SCOC: variants seen among roughly 807,000 people sequenced by gnomAD.
SCOC encodes short coiled coil protein.
SCOC carries 7 observed loss-of-function variants against 9.9 expected under a neutral mutation model. The ratio of observed to expected loss-of-function variants is 0.71; its 90% CI spans 0.40 to 1.33. The LOEUF is 1.33. Among genes scored for constraint, SCOC ranks in the 40% most tolerant of loss-of-function variants. The pLI, the probability that SCOC is intolerant of heterozygous loss-of-function variation, is 0.01. For missense variants in SCOC, 66 were observed against 89.7 expected, an observed-to-expected ratio of 0.74 and a Z score of 1.07; for synonymous variants, 19 against 28.2, an observed-to-expected ratio of 0.67 and a Z score of 1.03.
chr4:140,258,707 C>T (rs549451223), intron 1 of SCOC, among the ~76,000 whole-genome samples: 58 of 152,368 alleles, frequency 3.8e-4, no homozygotes, highest in African/African-American at 1.3e-3. Context: ...TTTCTCTTCT[C>T]TTTCTGAGTT....
chr4:140,276,641 G>A (rs1730990444), intron 1 of SCOC, among the ~76,000 whole-genome samples: 2 of 151,702 alleles, frequency 1.3e-5, no homozygotes, highest in South Asian at 2.1e-4. Context: ...ATTTTTAGTA[G>A]AGACTGGGTT....
intron 1 of SCOC, among the ~76,000 whole-genome samples, chr4:140,335,639 C>T (rs1219585831): frequency 6.6e-6 from 1 of 152,138 alleles, no homozygotes; most frequent in East Asian, 1.9e-4. Context: ...TGATTGCATA[C>T]ACTCCAGATG....
intron 1 of SCOC, among the ~76,000 whole-genome samples, chr4:140,277,855 G>A (rs1163916855): frequency 1.3e-5 from 2 of 152,204 alleles, no homozygotes; most frequent in Non-Finnish European, 2.9e-5. Flanking sequence ...TAGGATTAGA[G>A]ATTTGTTGGC....
At chr4:140,323,119 G>T (rs954878680) in intron 1 of SCOC, among the ~76,000 whole-genome samples, 2 of 152,154 alleles carry the variant, frequency 1.3e-5, no homozygotes, top group African/African-American at 4.8e-5. Flanking sequence ...AGTGTTGAAG[G>T]TGGGGCTTGG....
chr4:140,262,542 C>G (rs375885377), intron 1 of SCOC, among the ~76,000 whole-genome samples: 2 of 152,124 alleles, frequency 1.3e-5, no homozygotes, highest in African/African-American at 4.8e-5. Context: ...TCTCCTGTTT[C>G]TGCTATAGAG....
intron 1 of SCOC, among the ~76,000 whole-genome samples, chr4:140,327,466 A>G (rs115388567): frequency 0.033 from 4,987 of 152,244 alleles, 114 homozygotes; most frequent in Non-Finnish European, 0.052. Context: ...TTAGTGGACA[A>G]TTCAACAAGC....
intron 2 of SCOC, among the ~76,000 whole-genome samples, chr4:140,353,410 T>A (rs1727063844): frequency 6.6e-6 from 1 of 151,552 alleles, no homozygotes; most frequent in Admixed American, 6.6e-5. Flanking sequence ...TTTTTTTCTT[T>A]TTCTTTTTTT....
upstream of SCOC, among the ~76,000 whole-genome samples, chr4:140,343,005 C>T (rs1391147691): frequency 3.0e-5 from 3 of 99,716 alleles, no homozygotes; most frequent in Non-Finnish European, 5.7e-5. Context: ...ATATATATTT[C>T]TTCTTATTTC....
intron 2 of SCOC, among the ~76,000 whole-genome samples, chr4:140,356,585 TAA>T (rs1727239571): frequency 6.6e-6 from 1 of 152,264 alleles, no homozygotes; most frequent in African/African-American, 2.4e-5. Flanking sequence ...AGTCATTGTG[TAA>T]AATGGTTCTC....
chr4:140,284,467 A>G (rs1731173954), intron 1 of SCOC: 2 of 152,244 alleles, frequency 1.3e-5, no homozygotes, highest in Admixed American at 1.3e-4. Context: ...AGACTGTCCT[A>G]CAGCATAGAT....
At chr4:140,312,002 C>A (rs1732170476) in intron 1 of SCOC, among the ~76,000 whole-genome samples, 1 of 152,162 alleles carries the variant, frequency 6.6e-6, no homozygotes, top group African/African-American at 2.4e-5. Flanking sequence ...CATTTTAGAA[C>A]AAACACTTTT....
At chr4:140,269,426 C>A (rs1322219891) in intron 1 of SCOC, among the ~76,000 whole-genome samples, 1 of 152,080 alleles carries the variant, frequency 6.6e-6, no homozygotes, top group Non-Finnish European at 1.5e-5. Context: ...TACGCTGAAG[C>A]CACTACATTG....
At chr4:140,352,085 G>A (rs773302213) in intron 2 of SCOC, among the ~76,000 whole-genome samples, 13 of 152,204 alleles carry the variant, frequency 8.5e-5, no homozygotes, top group East Asian at 1.9e-4. Context: ...AGGAAGTGGC[G>A]AGCGCTGGCT....
At chr4:140,283,339 G>A (rs1032071667) in intron 1 of SCOC, among the ~76,000 whole-genome samples, 2 of 152,204 alleles carry the variant, frequency 1.3e-5, no homozygotes, top group Non-Finnish European at 2.9e-5. Flanking sequence ...CTCTCCCAGC[G>A]AGGGTATGAC....
Position 140,381,286 on chromosome 4 carries a change from C to A in SCOC, c.*182C>A. On this transcript the variant is annotated 3_prime_UTR_variant, in exon 4 of 4. Coordinates refer to ENST00000608372, the MANE Select transcript of SCOC (RefSeq NM_001153484.2). ...CCATAAGTTTGTGTATTATGTTAGT[C>A]TATGAAAACGTGCAAATGTATTGTA... is the stretch of plus-strand genomic sequence containing the variant. 1 of 513,084 alleles carries A rather than the reference C, an allele frequency of 1.9e-6. No homozygotes were observed. The highest frequency in any genetic ancestry group is 3.4e-6 in the Non-Finnish European group (1 of 297,042). 31.8% of individuals were successfully genotyped at this position (513,084 alleles called of 1,614,324 possible).
intron 1 of SCOC, among the ~76,000 whole-genome samples, chr4:140,286,070 A>G (rs995783983): frequency 6.6e-6 from 1 of 152,088 alleles, no homozygotes; most frequent in Non-Finnish European, 1.5e-5. Context: ...CTGTAATTCC[A>G]GGTGCTCGGG....
chr4:140,317,932 A>G (rs1732379662), intron 1 of SCOC, among the ~76,000 whole-genome samples: 1 of 137,756 alleles, frequency 7.3e-6, no homozygotes. Context: ...CCCACCTATG[A>G]GTGAGAATAT....
chr4:140,280,413 G>C (rs1021463971), intron 1 of SCOC, among the ~76,000 whole-genome samples: 19 of 152,288 alleles, frequency 1.2e-4, no homozygotes, highest in Admixed American at 9.1e-4. Flanking sequence ...ATTGATGGGA[G>C]CCACTGCGCC....
intron 1 of SCOC, 172 bp downstream of exon 1, chr4:140,373,889 C>T (rs1215670300): frequency 1.3e-5 from 10 of 747,912 alleles, no homozygotes; most frequent in African/African-American, 3.5e-5. Flanking sequence ...GGCCTGGCTC[C>T]CGGCAGAACC....
Sources: allele counts gnomAD v4.1 joint callset (sites outside exome capture counted in the v4.1 genomes callset), GRCh38; gene constraint gnomAD v4.1.1; transcripts MANE v1.5; gene names NCBI Gene and HGNC (gene_info 2026-07-23, HGNC 2026-07-21).